The following PTPN22 variants were observed in gnomAD, a reference collection of about 807,000 sequenced individuals.
PTPN22 encodes protein tyrosine phosphatase non-receptor type 22, also known as tyrosine-protein phosphatase non-receptor type 22.
A neutral mutation model predicts 103.3 loss-of-function variants in PTPN22; 85 were observed. The observed-to-expected ratio is 0.82, with a 90% CI of 0.69 to 0.99. PTPN22 has a LOEUF of 0.99. Among genes scored for constraint, PTPN22 ranks in the 50% least tolerant of loss-of-function variants. The pLI, the probability that PTPN22 is intolerant of heterozygous loss-of-function variation, is 0.00. For missense variants in PTPN22, 865 were observed against 936.9 expected, an observed-to-expected ratio of 0.92 and a Z score of 1.00; for synonymous variants, 323 against 310.2, an observed-to-expected ratio of 1.04 and a Z score of -0.43.
intron 11 of PTPN22, among the ~76,000 whole-genome samples, chr1:113,840,063 T>A (rs1663407794): frequency 6.6e-6 from 1 of 151,946 alleles, no homozygotes; most frequent in Admixed American, 6.6e-5. Context: ...AATATAAAAA[T>A]TAGCCGGGCA....
At chr1:113,821,036 A>T (rs1359788074) in intron 19 of PTPN22, among the ~76,000 whole-genome samples, 1 of 151,482 alleles carries the variant, frequency 6.6e-6, no homozygotes, top group Non-Finnish European at 1.5e-5. Context: ...AATACTATTC[A>T]TATTTAAATA....
intron 19 of PTPN22, among the ~76,000 whole-genome samples, chr1:113,824,434 A>T (rs530214907): frequency 4.6e-5 from 7 of 152,298 alleles, no homozygotes; most frequent in African/African-American, 1.7e-4. Flanking sequence ...ATTTGTAAAT[A>T]AGATTTCTAA....
chr1:113,854,963 G>A lies in PTPN22; in HGVS notation c.627C>T (p.Ile209=), dbSNP rs754352948. Residue 209 remains isoleucine (I), a synonymous_variant, in exon 8 of 21, where the codon ATC becomes ATT. Transcript: ENST00000359785. Reference sequence around the variant, plus strand: ...CCTCTTGGTAACAACGTACATCCCAGATGAGCTCAAGAATAGGGTCTATAG... The same window carrying A: ...CCTCTTGGTAACAACGTACATCCCAAATGAGCTCAAGAATAGGGTCTATAG... 7 of 1,610,472 alleles carry A rather than the reference G, an allele frequency of 4.3e-6. No individual in the cohort carries two copies. The South Asian group carries it at 6.6e-5, about 15-fold the overall frequency.
intron 13 of PTPN22, among the ~76,000 whole-genome samples, 159 bp downstream of exon 13, chr1:113,837,431 C>A: frequency 7.2e-6 from 1 of 138,818 alleles, no homozygotes; most frequent in African/African-American, 2.7e-5. Context: ...GCCTGGGTGA[C>A]AGAGCGAGAC....
At chr1:113,830,480 TA>T (rs1332413853) in intron 16 of PTPN22, among the ~76,000 whole-genome samples, 1 of 151,954 alleles carries the variant, frequency 6.6e-6, no homozygotes, top group Non-Finnish European at 1.5e-5. Flanking sequence ...AAGAAAATAT[TA>T]AAAAAAGAAG....
At chr1:113,861,011 T>A (rs1464496629) in intron 1 of PTPN22, among the ~76,000 whole-genome samples, 1 of 152,148 alleles carries the variant, frequency 6.6e-6, no homozygotes, top group African/African-American at 2.4e-5. Flanking sequence ...CACTGCTACC[T>A]TCAACAATAA....
At chr1:113,865,434 A>T (rs947248012) in intron 1 of PTPN22, among the ~76,000 whole-genome samples, 12 of 152,220 alleles carry the variant, frequency 7.9e-5, no homozygotes, top group Admixed American at 3.9e-4. Context: ...AAATGAACAT[A>T]ATATTTTCCT....
chr1:113,821,383 A>C (rs945979053), intron 19 of PTPN22, among the ~76,000 whole-genome samples: 3 of 152,024 alleles, frequency 2.0e-5, no homozygotes, highest in African/African-American at 7.2e-5. Context: ...GTGCAATGGC[A>C]CAATCTCGGC....
In PTPN22 at chr1:113,834,209, A is replaced by G; in HGVS notation, c.2025+100T>C. The G allele has an allele frequency of 3.3e-6, 4 of 1,223,136 alleles. No individual in the cohort carries two copies. In the Admixed American group the frequency reaches 6.4e-5, roughly 20 times the overall value. 75.8% of individuals were successfully genotyped at this position (1,223,136 alleles called of 1,614,324 possible). On this transcript the variant is annotated intron_variant, in intron 15 of 20. Transcript: ENST00000359785. ...TCTAGCACATTGTTCTATATTTAGTATGTGCTTAGGATTTATTGAATGATG... is the reference window on the plus strand; with the variant it reads ...TCTAGCACATTGTTCTATATTTAGTGTGTGCTTAGGATTTATTGAATGATG...
chr1:113,829,980 A>T, exon 17 of PTPN22: 1 of 1,608,052 alleles, frequency 6.2e-7, no homozygotes, highest in Non-Finnish European at 8.5e-7. Flanking sequence ...AGGACTCTAG[A>T]GTTCTTTCTG....
chr1:113,829,678 A>T, exon 18 of PTPN22: 1 of 1,604,060 alleles, frequency 6.2e-7, no homozygotes. Context: ...TAGCTAGTAG[A>T]ATATGTTTCT....
intron 20 of PTPN22, among the ~76,000 whole-genome samples, chr1:113,817,033 A>T (rs1200589720): frequency 1.3e-5 from 2 of 151,672 alleles, no homozygotes; most frequent in Admixed American, 6.6e-5. Flanking sequence ...TGGTGATGAT[A>T]AAAAAAAATT....
intron 10 of PTPN22, among the ~76,000 whole-genome samples, chr1:113,849,584 TTATTTA>T (rs1436852354): frequency 8.8e-6 from 1 of 113,252 alleles, no homozygotes; most frequent in Non-Finnish European, 1.7e-5. Context: ...CTTTATTTAT[TTATTTA>T]TTTATTTTTT....
intron 1 of PTPN22, among the ~76,000 whole-genome samples, chr1:113,861,861 A>C (rs1558055737): frequency 1.3e-5 from 2 of 152,170 alleles, no homozygotes; most frequent in Non-Finnish European, 2.9e-5. Flanking sequence ...GGATGGGTTT[A>C]AGTTTGTGAA....
At chr1:113,867,821 A>G (rs1378436766) in intron 1 of PTPN22, among the ~76,000 whole-genome samples, 1 of 152,254 alleles carries the variant, frequency 6.6e-6, no homozygotes, top group Non-Finnish European at 1.5e-5. Context: ...TTCAGCTGCC[A>G]TTAACAGGAC....
At chr1:113,852,241 CA>C (rs1664630622) in intron 9 of PTPN22, 137 bp from the exon 10 acceptor site, 7 of 631,284 alleles carry the variant, frequency 1.1e-5, no homozygotes, top group Non-Finnish European at 1.9e-5. Flanking sequence ...ATTTTTAAAA[CA>C]AATGAGGTTT....
chr1:113,829,865 C>CT, intron 17 of PTPN22, 84 bp downstream of exon 17: 2 of 1,339,830 alleles, frequency 1.5e-6, no homozygotes, highest in Non-Finnish European at 1.1e-6. Context: ...ATTTTTGTAC[C>CT]TTTCCATTTA....
intron 9 of PTPN22, among the ~76,000 whole-genome samples, chr1:113,852,961 G>A (rs115251389): frequency 0.012 from 1,846 of 152,114 alleles, 41 homozygotes; most frequent in African/African-American, 0.041. Context: ...TTTTTGAAAC[G>A]GACTTTCACT....
chr1:113,830,381 CTAAGCAGTCTTT>C (rs1662447915), intron 16 of PTPN22, among the ~76,000 whole-genome samples: 1 of 151,956 alleles, frequency 6.6e-6, no homozygotes, highest in Non-Finnish European at 1.5e-5. Flanking sequence ...ATCTAGAAGA[CTAAGCAGTCTTT>C]TAAGACAAAT....
Sources: allele counts gnomAD v4.1 joint callset (sites outside exome capture counted in the v4.1 genomes callset), GRCh38; gene constraint gnomAD v4.1.1; transcripts MANE v1.5; gene names NCBI Gene and HGNC (gene_info 2026-07-23, HGNC 2026-07-21).